COL4A1: variants seen among roughly 807,000 people sequenced by gnomAD.
The protein encoded by COL4A1 is collagen alpha-1(IV) chain.
A neutral mutation model predicts 216.6 loss-of-function variants in COL4A1; 40 were observed. That is an observed-to-expected ratio of 0.18 (90% CI 0.14 to 0.24). The LOEUF (loss-of-function observed/expected upper bound fraction) is 0.24, where lower values mean the gene tolerates loss of function less well. COL4A1 is among the 10% of genes least tolerant of loss of function. The pLI, the probability that COL4A1 is intolerant of heterozygous loss-of-function variation, is 1.00. For synonymous variants in COL4A1, 839 were observed against 810.7 expected, an observed-to-expected ratio of 1.03 and a Z score of -0.59; for missense variants, 1,628 against 2,196.8, an observed-to-expected ratio of 0.74 and a Z score of 5.18.
chr13:110,210,932 G>A (rs761869489), intron 8 of COL4A1, among the ~76,000 whole-genome samples: 3 of 152,196 alleles, frequency 2.0e-5, no homozygotes, highest in South Asian at 2.1e-4. Context: ...TGAGTTTGCC[G>A]GCCCCCACAA....
At chr13:110,257,608 T>G (rs1882635932) in intron 1 of COL4A1, among the ~76,000 whole-genome samples, 1 of 152,208 alleles carries the variant, frequency 6.6e-6, no homozygotes, top group Non-Finnish European at 1.5e-5. Flanking sequence ...TGCCAAGAGC[T>G]ATCTCTCCAG....
Position 110,306,950 on chromosome 13 carries a change from A to G in COL4A1, c.78T>C (p.Ala26=). The G allele has an allele frequency of 6.8e-7, 1 of 1,472,932 alleles. No homozygotes were observed. Among genetic ancestry groups the G allele is most frequent in the Non-Finnish European group, 9.0e-7 (1 of 1,116,924 alleles). The allele number at this position is 1,472,932 out of a possible 1,614,324, so 91.2% of individuals were successfully genotyped here. ...GAGCTGGCCGGGAACTCACCTTCGC[A>G]GCGGCCCGGCTGTGCTCCTCGTGGA... is the stretch of plus-strand genomic sequence containing the variant. ...LLLHEEHSRA[A]AKGGCAGSGC... Residue 26 remains alanine (A), a synonymous_variant, in exon 1 of 52, where the codon GCT becomes GCC. Transcript: ENST00000375820.
intron 1 of COL4A1, among the ~76,000 whole-genome samples, chr13:110,262,130 C>A (rs911542930): frequency 5.3e-5 from 8 of 152,320 alleles, no homozygotes; most frequent in African/African-American, 1.9e-4. Context: ...TTTTTGAGTA[C>A]CCCGTGTGCA....
intron 40 of COL4A1, among the ~76,000 whole-genome samples, chr13:110,173,590 C>T (rs1877743749): frequency 6.6e-6 from 1 of 152,126 alleles, no homozygotes; most frequent in African/African-American, 2.4e-5. Flanking sequence ...TTTGTCATAG[C>T]AACCACAAGG....
intron 1 of COL4A1, among the ~76,000 whole-genome samples, chr13:110,251,150 C>A (rs1218653969): frequency 6.6e-6 from 1 of 152,248 alleles, no homozygotes; most frequent in African/African-American, 2.4e-5. Context: ...CTTTGGAGAA[C>A]TGTGCGGCTC....
chr13:110,155,429 C>G lies in COL4A1; in HGVS notation c.4641-32G>C, dbSNP rs617111. ...GTGGAGCAGAGACACTCAGCACAGC[C>G]GGGGTGCAGGGCAGAGGCCGCCCTC... On this transcript the variant is annotated intron_variant, in intron 49 of 51. Coordinates refer to ENST00000375820, the MANE Select transcript of COL4A1 (RefSeq NM_001845.6). 5.1e-6 allele frequency: 8 copies of G among 1,555,052 alleles called. No individual in the cohort carries two copies. In the East Asian group the frequency reaches 1.8e-4, roughly 35 times the overall value.
intron 2 of COL4A1, among the ~76,000 whole-genome samples, chr13:110,219,860 ATATG>A (rs1880356273): frequency 2.0e-5 from 2 of 102,172 alleles, no homozygotes; most frequent in African/African-American, 3.7e-5. Context: ...ATATATGTAT[ATATG>A]TGTGTGTATA....
intron 50 of COL4A1, among the ~76,000 whole-genome samples, chr13:110,154,783 G>GTCATATGGAGAAGCTGGTCATATAT (rs1187287287): frequency 2.0e-5 from 3 of 152,290 alleles, no homozygotes; most frequent in Admixed American, 6.5e-5. Context: ...TGGTCATATA[G>GTCATATGGAGAAGCTGGTCATATAT]AGAAGCTGCT....
chr13:110,176,822 C>A (rs199775408), intron 34 of COL4A1, 63 bp downstream of exon 34: 2 of 1,613,890 alleles, frequency 1.2e-6, no homozygotes, highest in Admixed American at 3.3e-5. Context: ...ATGGAGGACC[C>A]GATAACCCAG....
At chr13:110,220,973 A>G (rs898666846) in intron 2 of COL4A1, among the ~76,000 whole-genome samples, 22 of 152,198 alleles carry the variant, frequency 1.4e-4, no homozygotes, top group Admixed American at 1.4e-3. Flanking sequence ...AAGAAGGTCC[A>G]CCCTGTGCTC....
At chr13:110,264,255 A>G (rs1566428266) in intron 1 of COL4A1, among the ~76,000 whole-genome samples, 2 of 152,286 alleles carry the variant, frequency 1.3e-5, no homozygotes, top group East Asian at 1.9e-4. Context: ...GACTTTAAGG[A>G]GTTGCAGACC....
chr13:110,203,491 T>C (rs370484602), intron 18 of COL4A1, 75 bp downstream of exon 18: 98 of 1,515,148 alleles, frequency 6.5e-5, no homozygotes, highest in Non-Finnish European at 8.8e-5. Context: ...CTCCCCCCAG[T>C]GCTCTCACAG....
chr13:110,154,320 G>A (rs1876661266), intron 50 of COL4A1, among the ~76,000 whole-genome samples: 1 of 152,250 alleles, frequency 6.6e-6, no homozygotes, highest in Non-Finnish European at 1.5e-5. Flanking sequence ...GTATCAAACA[G>A]GGGCCTTGTT....
intron 2 of COL4A1, among the ~76,000 whole-genome samples, chr13:110,219,194 G>A (rs945344500): frequency 1.3e-5 from 2 of 152,210 alleles, no homozygotes; most frequent in Non-Finnish European, 2.9e-5. Context: ...AGGGGGGACA[G>A]ATGCAAGGAG....
At chr13:110,160,376 G>A (rs577048434) in intron 49 of COL4A1, among the ~76,000 whole-genome samples, 4 of 92,588 alleles carry the variant, frequency 4.3e-5, no homozygotes, top group South Asian at 3.4e-4. Flanking sequence ...CCGGGAAGCG[G>A]AGCTTGCAGT....
intron 28 of COL4A1, among the ~76,000 whole-genome samples, chr13:110,182,399 C>T (rs3783113): frequency 0.35 from 53,193 of 152,062 alleles, 9,342 homozygotes; most frequent in East Asian, 0.39. Flanking sequence ...TTACACAACA[C>T]GTCCCTTTTG....
intron 44 of COL4A1, 73 bp from the exon 45 acceptor site, chr13:110,166,376 C>A (rs975214896): frequency 1.4e-4 from 132 of 927,490 alleles, no homozygotes; most frequent in Admixed American, 5.6e-4. Flanking sequence ...GTATATATCT[C>A]TCTCTAGTGC....
At chr13:110,164,330 G>T (rs574201091) in intron 46 of COL4A1, among the ~76,000 whole-genome samples, 1 of 152,216 alleles carries the variant, frequency 6.6e-6, no homozygotes, top group African/African-American at 2.4e-5. Context: ...TTTCTTTGAT[G>T]CTTTCAACTT....
In COL4A1 at chr13:110,179,296, T is replaced by G. The variant is rs780402886; in HGVS notation, c.2319A>C (p.Gly773=). 6.8e-6 allele frequency: 11 copies of G among 1,613,750 alleles called. 1 individual carries two copies. The South Asian group carries it at 1.2e-4, about 18-fold the overall frequency. The stretch of plus-strand genomic sequence containing the variant: ...CTCTGATCCCCTGAAGCCCAGGGGG[T>G]CCGATCGCTCCATGTTCTCCAGGAA... ...PGVPGEHGAI[G]PPGLQGIRGE... is the part of the protein sequence containing the mutation. The change falls in exon 30 of 52, where the codon GGA becomes GGC. Residue 773 remains glycine, a synonymous_variant. Coordinates refer to ENST00000375820, the MANE Select transcript of COL4A1 (RefSeq NM_001845.6).
Sources: allele counts gnomAD v4.1 joint callset (sites outside exome capture counted in the v4.1 genomes callset), GRCh38; gene constraint gnomAD v4.1.1; transcripts MANE v1.5; gene names NCBI Gene and HGNC (gene_info 2026-07-23, HGNC 2026-07-21).